The following ANKRD17 variants were observed in gnomAD, a reference collection of about 807,000 sequenced individuals.
ANKRD17 encodes the protein ankyrin repeat domain-containing protein 17.
ANKRD17 carries 19 observed loss-of-function variants against 229.7 expected under a neutral mutation model. The ratio of observed to expected loss-of-function variants is 0.08; its 90% CI spans 0.06 to 0.12. The LOEUF (loss-of-function observed/expected upper bound fraction) is 0.12, where lower values mean the gene tolerates loss of function less well. Among genes scored for constraint, ANKRD17 ranks in the 10% least tolerant of loss-of-function variants. The pLI is 1.00. For synonymous variants in ANKRD17, 1,112 were observed against 1,146.1 expected (o/e 0.97, Z 0.60); for missense variants, 2,176 against 3,176.8 (o/e 0.68, Z 7.57).
intron 24 of ANKRD17, among the ~76,000 whole-genome samples, chr4:73,111,112 C>T (rs1023975086): frequency 6.6e-6 from 1 of 152,108 alleles, no homozygotes; most frequent in Non-Finnish European, 1.5e-5. Flanking sequence ...TCCAAGATCC[C>T]TGGTAGATGC....
intron 1 of ANKRD17, among the ~76,000 whole-genome samples, chr4:73,215,768 G>C (rs1740943399): frequency 6.6e-6 from 1 of 152,132 alleles, no homozygotes; most frequent in African/African-American, 2.4e-5. Context: ...GTGGAGTTTA[G>C]GAATGGTTTT....
chr4:73,163,849 T>C (rs935855545), intron 2 of ANKRD17, among the ~76,000 whole-genome samples: 26 of 152,230 alleles, frequency 1.7e-4, no homozygotes, highest in African/African-American at 5.1e-4. Context: ...TATATTTTTA[T>C]GCTTTTCTTT....
At chr4:73,102,752 G>A (rs943821522) in intron 24 of ANKRD17, 4 of 516,004 alleles carry the variant, frequency 7.8e-6, no homozygotes, top group Non-Finnish European at 9.8e-6. Context: ...AACAATATAA[G>A]ACTAATTTTA....
intron 7 of ANKRD17, among the ~76,000 whole-genome samples, chr4:73,151,002 G>A (rs1252011469): frequency 1.3e-5 from 2 of 152,088 alleles, no homozygotes; most frequent in African/African-American, 4.8e-5. Context: ...TACATACTCT[G>A]AATTATATTT....
chr4:73,173,682 T>C (rs182313971), intron 2 of ANKRD17, among the ~76,000 whole-genome samples: 1 of 152,316 alleles, frequency 6.6e-6, no homozygotes, highest in East Asian at 1.9e-4. Flanking sequence ...ACATGTCCAC[T>C]GGGGAATCTG....
At chr4:73,097,329 T>A (rs1448790171) in intron 26 of ANKRD17, 57 bp from the exon 27 acceptor site, 14 of 1,433,230 alleles carry the variant, frequency 9.8e-6, no homozygotes, top group African/African-American at 1.5e-5. Context: ...AATTTTTAAA[T>A]GATAAAGGTA....
intron 1 of ANKRD17, among the ~76,000 whole-genome samples, chr4:73,251,385 G>A (rs1745007290): frequency 6.6e-6 from 1 of 152,150 alleles, no homozygotes; most frequent in Non-Finnish European, 1.5e-5. Context: ...GTTAAGAAGT[G>A]AAGCACTGTT....
Position 73,161,475 on chromosome 4 carries a change from T to C in ANKRD17, c.548-127A>G, listed in dbSNP as rs1042650935. On this transcript the variant is annotated intron_variant, in intron 2 of 33. Transcript: ENST00000358602. ...CCAAATGGTAGAGTAGACATATATATTGGCTGCCCAGCATCTTTTGAGAAA... is the reference window on the plus strand; with the variant it reads ...CCAAATGGTAGAGTAGACATATATACTGGCTGCCCAGCATCTTTTGAGAAA... The C allele has an allele frequency of 1.6e-5, 14 of 891,688 alleles. No homozygotes were observed. In the African/African-American group the frequency reaches 1.9e-4, roughly 12 times the overall value. 55.2% of individuals were successfully genotyped at this position (891,688 alleles called of 1,614,324 possible).
chr4:73,168,130 G>A (rs1340236879), intron 2 of ANKRD17, among the ~76,000 whole-genome samples: 2 of 346 alleles, frequency 5.8e-3, no homozygotes, highest in African/African-American at 0.016. Context: ...TCCAGCCTGG[G>A]GGAGAGTGAG....
intron 1 of ANKRD17, among the ~76,000 whole-genome samples, chr4:73,217,286 T>C (rs906781826): frequency 4.6e-5 from 7 of 152,202 alleles, no homozygotes; most frequent in Non-Finnish European, 1.0e-4. Context: ...AGCCTCCATA[T>C]TCCACTAAAA....
intron 24 of ANKRD17, among the ~76,000 whole-genome samples, chr4:73,110,129 A>G (rs1725134916): frequency 6.6e-6 from 1 of 152,110 alleles, no homozygotes; most frequent in Admixed American, 6.6e-5. Flanking sequence ...TAATTATATC[A>G]AAAATGTAAG....
chr4:73,129,803 C>T (rs898726677), intron 16 of ANKRD17, among the ~76,000 whole-genome samples: 2 of 146,368 alleles, frequency 1.4e-5, no homozygotes, highest in Admixed American at 7.1e-5. Context: ...CTTGCTCTGT[C>T]GCCAAGGCTA....
At chr4:73,118,664 T>C (rs1283273716) in intron 22 of ANKRD17, 24 bp downstream of exon 22, 1 of 1,612,468 alleles carries the variant, frequency 6.2e-7, no homozygotes, top group Non-Finnish European at 8.5e-7. Context: ...AACATCCAGG[T>C]AAATGAGGAT....
In ANKRD17 at chr4:73,091,646, G is replaced by A; in HGVS notation, c.5982C>T (p.Val1994=). The change falls in exon 29 of 34, where the codon GTC becomes GTT. Residue 1994 remains valine (V), a synonymous_variant. Transcript: ENST00000358602. Reference sequence around the variant, plus strand: ...CAACTGTGACAAAAAGCTGCCTTCGGACAGAAGGTGAACTTGGACTGCCAT... The same window carrying A: ...CAACTGTGACAAAAAGCTGCCTTCGAACAGAAGGTGAACTTGGACTGCCAT... ...STNGSPSSPS[V]RRQLFVTVVK... 1 of 1,614,214 alleles carries A rather than the reference G, an allele frequency of 6.2e-7. No individual in the cohort carries two copies. The highest frequency in any genetic ancestry group is 8.5e-7 in the Non-Finnish European group (1 of 1,180,028).
intron 1 of ANKRD17, among the ~76,000 whole-genome samples, chr4:73,256,823 A>G (rs1745496219): frequency 6.6e-6 from 1 of 152,264 alleles, no homozygotes; most frequent in South Asian, 2.1e-4. Flanking sequence ...ACCTATTCTC[A>G]GAATCCAACA....
chr4:73,204,435 T>C (rs1739175809), intron 1 of ANKRD17, among the ~76,000 whole-genome samples: 1 of 147,412 alleles, frequency 6.8e-6, no homozygotes, highest in East Asian at 2.0e-4. Context: ...CAATATGCAG[T>C]AAAAATATGC....
At chr4:73,171,209 G>GAGAGAA (rs1379612425) in intron 2 of ANKRD17, among the ~76,000 whole-genome samples, 8 of 151,548 alleles carry the variant, frequency 5.3e-5, no homozygotes, top group Admixed American at 5.3e-4. Flanking sequence ...GAGAGAGAGA[G>GAGAGAA]AGAGAGAGAG....
intron 24 of ANKRD17, among the ~76,000 whole-genome samples, chr4:73,111,160 GT>G (rs928664636): frequency 6.6e-6 from 1 of 152,030 alleles, no homozygotes; most frequent in Non-Finnish European, 1.5e-5. Flanking sequence ...GTATATATAT[GT>G]TTTTTCAAAG....
intron 24 of ANKRD17, among the ~76,000 whole-genome samples, chr4:73,109,573 T>C (rs770318583): frequency 4.6e-5 from 7 of 151,978 alleles, no homozygotes; most frequent in Non-Finnish European, 8.8e-5. Context: ...GTTCCTAGGA[T>C]AAGGGAGAAA....
Sources: gnomAD v4.1 joint callset for allele counts (sites outside exome capture counted in the v4.1 genomes callset) on GRCh38, gnomAD v4.1.1 for gene constraint, MANE v1.5 for transcripts, NCBI Gene and HGNC (gene_info 2026-07-23, HGNC 2026-07-21) for gene names.